RIIAD1: variants seen among roughly 807,000 people sequenced by gnomAD.
RIIAD1 encodes the protein regulatory subunit of type II PKA R-subunit domain containing 1.
In RIIAD1, 15 loss-of-function variants were observed where a neutral mutation model predicts 13.3. The ratio of observed to expected loss-of-function variants is 1.13; its 90% confidence interval spans 0.76 to 1.74. The LOEUF is 1.74. Among genes scored for constraint, RIIAD1 ranks in the 40% most tolerant of loss-of-function variants. RIIAD1 has a pLI of 0.00. For synonymous variants in RIIAD1, 50 were observed against 43.3 expected (o/e 1.16, Z -0.61); for missense variants, 121 against 112.2 (o/e 1.08, Z -0.35).
rs138827546 is a variant in RIIAD1 at position 151,725,674 on chromosome 1, T to C, written c.162-1901T>C. The stretch of plus-strand genomic sequence containing the variant: ...AGCACGGATTTATTGTGCGCTTTTG[T>C]ATTTTATATGAATGGAATTTTACAC... On this transcript the variant is annotated intron_variant, in intron 2 of 4. Transcript: ENST00000479191. Among the ~76,000 whole-genome samples, 604 of 152,304 alleles carry C rather than the reference T, an allele frequency of 4.0e-3. 3 individuals carry two copies. The highest frequency in any genetic ancestry group is 0.014 in the African/African-American group (579 of 41,564).
chr1:151,712,314 T>C (rs1358718563), intron 2 of RIIAD1, among the ~76,000 whole-genome samples: 1 of 152,146 alleles, frequency 6.6e-6, no homozygotes, highest in Non-Finnish European at 1.5e-5. Flanking sequence ...CCTTCATCTT[T>C]CTCGCCAATA....
intron 3 of RIIAD1, among the ~76,000 whole-genome samples, chr1:151,713,866 G>A (rs1434156219): frequency 6.6e-6 from 1 of 152,230 alleles, no homozygotes; most frequent in Non-Finnish European, 1.5e-5. Context: ...CAATCAGCAA[G>A]GCTGGCTGGG....
upstream of RIIAD1, among the ~76,000 whole-genome samples, chr1:151,719,879 G>T (rs1273320681): frequency 2.0e-5 from 3 of 152,204 alleles, no homozygotes; most frequent in Admixed American, 6.5e-5. Context: ...CTACTTGGAG[G>T]TGGGGAGGTA....
upstream of RIIAD1, chr1:151,721,473 C>A (rs539529956): frequency 2.8e-4 from 284 of 1,006,378 alleles, 3 homozygotes; most frequent in African/African-American, 3.4e-3. Flanking sequence ...GGCTTGGGGG[C>A]AGGGCGGGGC....
chr1:151,728,739 A>T, intron 3 of RIIAD1, 27 bp from the exon 4 acceptor site: 1 of 1,357,892 alleles, frequency 7.4e-7, no homozygotes, highest in Non-Finnish European at 1.0e-6. Context: ...GGTATAGATG[A>T]TGTCTTCTTT....
upstream of RIIAD1, chr1:151,716,945 A>C: frequency 5.9e-6 from 2 of 340,538 alleles, no homozygotes; most frequent in Non-Finnish European, 1.3e-5. Context: ...TTCTATCTCC[A>C]TCCTCCCTGA....
chr1:151,721,511 C>T (rs1673734347), upstream of RIIAD1: 1 of 1,285,776 alleles, frequency 7.8e-7, no homozygotes, highest in Non-Finnish European at 9.9e-7. Flanking sequence ...CGGCTCGCGG[C>T]CGGTCGCCTT....
In RIIAD1 at chr1:151,715,939, C is replaced by T. The variant is rs778026308; in HGVS notation, c.21+1410C>T. ...AGCTCAAAGATCCGACCAAACTGTT[C>T]GAAGATGGGCTTCAGGTCCTTCTCC... On this transcript the variant is annotated intron_variant, in intron 4 of 8. Coordinates refer to the RIIAD1 transcript ENST00000326413. 1.9e-6 allele frequency: 3 copies of T among 1,614,028 alleles called. No individual in the cohort carries two copies. In the African/African-American group the frequency reaches 4.0e-5, roughly 22 times the overall value.
At chr1:151,721,680 G>T in intron 1 of RIIAD1, 60 bp downstream of exon 1, 1 of 1,074,238 alleles carries the variant, frequency 9.3e-7, no homozygotes, top group Non-Finnish European at 1.2e-6. Flanking sequence ...CAGGACTGGG[G>T]CCCCAGACTG....
chr1:151,728,515 A>C, intron 3 of RIIAD1: 1 of 443,522 alleles, frequency 2.3e-6, no homozygotes. Flanking sequence ...GGCCAGGCAC[A>C]GCGTGGAGGG....
At chr1:151,722,258 A>G (rs1339540555) in intron 2 of RIIAD1, 96 bp downstream of exon 2, 3 of 751,624 alleles carry the variant, frequency 4.0e-6, no homozygotes, top group African/African-American at 1.8e-5. Context: ...TCTTAAAAAT[A>G]TGTCTATTCA....
chr1:151,728,111 G>A (rs1673864735), intron 3 of RIIAD1, among the ~76,000 whole-genome samples: 1 of 152,238 alleles, frequency 6.6e-6, no homozygotes, highest in African/African-American at 2.4e-5. Context: ...TGGATTGGAC[G>A]ATTTCTTGGT....
At chr1:151,726,245 A>G (rs1370703920) in intron 2 of RIIAD1, among the ~76,000 whole-genome samples, 2 of 152,166 alleles carry the variant, frequency 1.3e-5, no homozygotes, top group African/African-American at 4.8e-5. Context: ...GATCTCCCAG[A>G]GCACTATTTA....
At chr1:151,712,317 C>T (rs1273979846) in intron 2 of RIIAD1, among the ~76,000 whole-genome samples, 3 of 152,296 alleles carry the variant, frequency 2.0e-5, no homozygotes, top group Middle Eastern at 3.4e-3. Context: ...TCATCTTTCT[C>T]GCCAATAGCA....
chr1:151,714,703 A>G, intron 4 of RIIAD1: 1 of 1,501,404 alleles, frequency 6.7e-7, no homozygotes, highest in Non-Finnish European at 9.1e-7. Context: ...GCAGAGAAAC[A>G]CGGCGGGGGG....
chr1:151,717,640 G>T (rs891269582), upstream of RIIAD1, among the ~76,000 whole-genome samples: 1 of 152,210 alleles, frequency 6.6e-6, no homozygotes, highest in African/African-American at 2.4e-5. Flanking sequence ...AACAACCTCT[G>T]ACAACAGTGG....
chr1:151,729,163 G>A (rs1015935903), intron 4 of RIIAD1, among the ~76,000 whole-genome samples: 20 of 152,282 alleles, frequency 1.3e-4, no homozygotes, highest in African/African-American at 4.6e-4. Flanking sequence ...CAGGGGTAAA[G>A]ATGGCAACAG....
chr1:151,722,183 T>C (rs1673750421), intron 2 of RIIAD1, 21 bp downstream of exon 2: 3 of 1,466,862 alleles, frequency 2.0e-6, no homozygotes, highest in South Asian at 1.2e-5. Flanking sequence ...TTCCAGGCTC[T>C]GGGATTTGTG....
At chr1:151,725,640 A>T (rs912701417) in intron 2 of RIIAD1, among the ~76,000 whole-genome samples, 1 of 152,128 alleles carries the variant, frequency 6.6e-6, no homozygotes, top group East Asian at 1.9e-4. Context: ...CAGTATCCTG[A>T]CTTCTACTAG....
Sources: gnomAD v4.1 joint callset for allele counts (sites outside exome capture counted in the v4.1 genomes callset) on GRCh38, gnomAD v4.1.1 for gene constraint, MANE v1.5 for transcripts, NCBI Gene and HGNC (gene_info 2026-07-23, HGNC 2026-07-21) for gene names.